Variants in FERMT2 observed in about 807,000 individuals in gnomAD.
The protein encoded by FERMT2 is FERM domain containing kindlin 2, also known as fermitin family homolog 2.
In FERMT2, 15 loss-of-function variants were observed where a neutral mutation model predicts 82.7. The ratio of observed to expected loss-of-function variants is 0.18; its 90% confidence interval spans 0.12 to 0.28. FERMT2 has a LOEUF of 0.28. FERMT2 is among the 10% of genes least tolerant of loss of function. The pLI is 1.00. For missense variants in FERMT2, 645 were observed against 809.4 expected, an observed-to-expected ratio of 0.80 and a Z score of 2.46; for synonymous variants, 274 against 271.5, an observed-to-expected ratio of 1.01 and a Z score of -0.09.
chr14:52,908,167 T>C (rs145322590), intron 3 of FERMT2, among the ~76,000 whole-genome samples: 42 of 152,290 alleles, frequency 2.8e-4, no homozygotes, highest in African/African-American at 9.6e-4. Context: ...CCTGCTAGAA[T>C]ACCCCAAACT....
At chr14:52,870,936 T>C (rs1345774968) in intron 10 of FERMT2, among the ~76,000 whole-genome samples, 2 of 152,232 alleles carry the variant, frequency 1.3e-5, no homozygotes, top group African/African-American at 4.8e-5. Context: ...CTGGTGCTGT[T>C]GTCCACATCG....
At chr14:52,905,115 G>A (rs1427684903) in intron 3 of FERMT2, among the ~76,000 whole-genome samples, 1 of 151,630 alleles carries the variant, frequency 6.6e-6, no homozygotes, top group African/African-American at 2.4e-5. Context: ...CTTGAACCGG[G>A]GAGGCAGAGG....
chr14:52,944,945 G>A (rs921228560), intron 2 of FERMT2, among the ~76,000 whole-genome samples: 2 of 151,974 alleles, frequency 1.3e-5, no homozygotes, highest in African/African-American at 4.8e-5. Context: ...TGTTGCCCAG[G>A]AATGGAGTGC....
intron 3 of FERMT2, among the ~76,000 whole-genome samples, chr14:52,913,612 T>G (rs1198112638): frequency 6.6e-6 from 1 of 151,894 alleles, no homozygotes; most frequent in African/African-American, 2.4e-5. Flanking sequence ...GTCTCACATT[T>G]TGGAAATGTC....
At chr14:52,861,890 G>A (rs1407874660) in intron 12 of FERMT2, 1 of 152,142 alleles carries the variant, frequency 6.6e-6, no homozygotes, top group Non-Finnish European at 1.5e-5. Flanking sequence ...GAATGTCCTT[G>A]TGGCCTGCAC....
chr14:52,946,007 G>A (rs1415004645), intron 2 of FERMT2, among the ~76,000 whole-genome samples: 1 of 152,114 alleles, frequency 6.6e-6, no homozygotes, highest in East Asian at 1.9e-4. Context: ...CTCCCGAGTA[G>A]CTGGGACTAC....
At chr14:52,939,998 C>CATT (rs1890020649) in intron 2 of FERMT2, among the ~76,000 whole-genome samples, 1 of 152,144 alleles carries the variant, frequency 6.6e-6, no homozygotes, top group South Asian at 2.1e-4. Context: ...TCAAAAACAT[C>CATT]ATTACACTGA....
At chr14:52,866,069 CATT>C (rs1431061786) in intron 10 of FERMT2, among the ~76,000 whole-genome samples, 4 of 152,230 alleles carry the variant, frequency 2.6e-5, no homozygotes, top group Non-Finnish European at 4.4e-5. Flanking sequence ...GCACAAATAT[CATT>C]AATAATTCAA....
intron 4 of FERMT2, among the ~76,000 whole-genome samples, chr14:52,883,114 A>G (rs1026953656): frequency 3.3e-5 from 5 of 152,092 alleles, no homozygotes; most frequent in Admixed American, 6.6e-5. Context: ...GATTGCATCA[A>G]TGCACTCCAG....
At chr14:52,873,103 T>C (rs1356618269) in intron 9 of FERMT2, among the ~76,000 whole-genome samples, 180 bp from the exon 10 acceptor site, 8 of 152,162 alleles carry the variant, frequency 5.3e-5, no homozygotes, top group Admixed American at 5.2e-4. Flanking sequence ...GAGCCTCCCT[T>C]CTCAATCTAC....
At chr14:52,927,816 A>G (rs1889372370) in intron 2 of FERMT2, among the ~76,000 whole-genome samples, 1 of 151,934 alleles carries the variant, frequency 6.6e-6, no homozygotes, top group Non-Finnish European at 1.5e-5. Flanking sequence ...GGGCCTTCAA[A>G]CTTTGCACAG....
At chr14:52,867,844 C>T (rs1304650580) in intron 10 of FERMT2, among the ~76,000 whole-genome samples, 13 of 152,100 alleles carry the variant, frequency 8.5e-5, no homozygotes, top group Non-Finnish European at 1.8e-4. Context: ...AAAATGACCC[C>T]ACTTCAACCT....
chr14:52,873,617 T>C (rs1885763929), intron 9 of FERMT2: 2 of 152,342 alleles, frequency 1.3e-5, no homozygotes, highest in African/African-American at 4.8e-5. Flanking sequence ...TATTCTAGAG[T>C]AGTTTTGTAT....
At chr14:52,921,577 C>T (rs1360919144) in intron 2 of FERMT2, among the ~76,000 whole-genome samples, 21 of 152,254 alleles carry the variant, frequency 1.4e-4, no homozygotes, top group Non-Finnish European at 1.2e-4. Context: ...TCACATATTA[C>T]TTTTCTTTCC....
chr14:52,871,497 G>C (rs186265412), intron 10 of FERMT2: 3 of 152,192 alleles, frequency 2.0e-5, no homozygotes, highest in Admixed American at 6.5e-5. Flanking sequence ...GCTCATTAAC[G>C]CTCTGCAAAG....
At chr14:52,903,755 G>C (rs554770592) in intron 3 of FERMT2, among the ~76,000 whole-genome samples, 3 of 152,144 alleles carry the variant, frequency 2.0e-5, no homozygotes, top group Non-Finnish European at 4.4e-5. Context: ...TACCCTGATG[G>C]AGAATATATT....
intron 7 of FERMT2, 61 bp from the exon 8 acceptor site, chr14:52,875,418 T>C: frequency 7.9e-7 from 1 of 1,264,482 alleles, no homozygotes. Context: ...AAAATGAAAT[T>C]ACTATCTGAA....
At chr14:52,881,936 C>A in intron 4 of FERMT2, 1 of 435,648 alleles carries the variant, frequency 2.3e-6, no homozygotes, top group South Asian at 2.1e-5. Context: ...CAGATTTTCC[C>A]TAATTGTGAA....
chr14:52,917,612 G>A (rs146311974), intron 3 of FERMT2, among the ~76,000 whole-genome samples: 1 of 152,088 alleles, frequency 6.6e-6, no homozygotes, highest in Non-Finnish European at 1.5e-5. Context: ...CCTACATCCC[G>A]AATCCCCTGA....
Sources: gnomAD v4.1 joint callset for allele counts (sites outside exome capture counted in the v4.1 genomes callset) on GRCh38, gnomAD v4.1.1 for gene constraint, MANE v1.5 for transcripts, NCBI Gene and HGNC (gene_info 2026-07-23, HGNC 2026-07-21) for gene names.